The following LMO7 variants were observed in gnomAD, a reference collection of about 807,000 sequenced individuals.
LMO7 encodes the protein LIM domain only protein 7.
In LMO7, 120 loss-of-function variants were observed where a neutral mutation model predicts 206.5. That is an observed-to-expected ratio of 0.58 (90% CI 0.50 to 0.68). The LOEUF (loss-of-function observed/expected upper bound fraction) is 0.68, where lower values mean the gene tolerates loss of function less well. Among genes scored for constraint, LMO7 ranks in the 30% least tolerant of loss-of-function variants. The pLI is 0.00. For missense variants in LMO7, 1,959 were observed against 1,957.9 expected (o/e 1.00, Z -0.01); for synonymous variants, 706 against 681.5 (o/e 1.04, Z -0.56).
intron 3 of LMO7, chr13:75,760,593 G>A (rs1013269231): frequency 1.5e-5 from 20 of 1,364,844 alleles, no homozygotes; most frequent in South Asian, 3.9e-5. Flanking sequence ...GAAAGAGGGC[G>A]TTTGTTTGCA....
At position 75,804,495 on chromosome 13, in the gene LMO7, A is replaced by G. The variant is rs2055181272; in HGVS notation, c.868A>G (p.Ser290Gly). The change falls in exon 8 of 31, where the codon AGT becomes GGT. Residue 290 changes from serine (S) to glycine (G), a missense_variant. Coordinates refer to ENST00000377534, the MANE Select transcript of LMO7 (RefSeq NM_001306080.2). ...AGACAAACATGAGGATAACAGAAGA[A>G]GTTGGGCAAGCCCGGTTTATACAGA... ...KPDKHEDNRRSWASPVYTEAD... is the reference protein window; with the variant it reads ...KPDKHEDNRRGWASPVYTEAD... 6.2e-7 allele frequency: 1 copy of G among 1,614,078 alleles called. No homozygotes were observed.
chr13:75,773,575 T>C (rs758417756), intron 4 of LMO7, among the ~76,000 whole-genome samples: 11 of 152,060 alleles, frequency 7.2e-5, no homozygotes, highest in Non-Finnish European at 1.3e-4. Flanking sequence ...ATGCTAAAGA[T>C]GTTTGGAGTA....
At chr13:75,796,850 T>TA in intron 6 of LMO7, 101 bp downstream of exon 6, 1 of 735,802 alleles carries the variant, frequency 1.4e-6, no homozygotes, top group East Asian at 2.7e-5. Context: ...CTATAACAAA[T>TA]ATGGCAACTC....
At chr13:75,724,580 T>A (rs190568039) in intron 2 of LMO7, among the ~76,000 whole-genome samples, 1 of 152,294 alleles carries the variant, frequency 6.6e-6, no homozygotes, top group East Asian at 1.9e-4. Context: ...AGTATTTCCA[T>A]AGATGATACT....
chr13:75,805,771 G>T lies in LMO7; in HGVS notation c.1196+11G>T, dbSNP rs376395749. ...ATTTCAGGGATTCAGGTTTGTCGTTGTGCATGTTTCTGTCACACCAGTGTT... is the reference window on the plus strand; with the variant it reads ...ATTTCAGGGATTCAGGTTTGTCGTTTTGCATGTTTCTGTCACACCAGTGTT... On this transcript the variant is annotated intron_variant, in intron 9 of 30. Coordinates refer to ENST00000377534, the MANE Select transcript of LMO7 (RefSeq NM_001306080.2). The T allele has an allele frequency of 5.0e-6, 8 of 1,611,710 alleles. No individual in the cohort carries two copies. The highest frequency in any genetic ancestry group is 4.0e-5 in the African/African-American group (3 of 74,794).
At position 75,756,202 on chromosome 13, in the gene LMO7, A is replaced by G. The variant is rs182815393; in HGVS notation, c.211-4730A>G. Reference sequence around the variant, plus strand: ...GATATTGTCCTCCAGTCATCTCAGCAAGAGACCAAGGTAGAGAAGAGCTAC... The same window carrying G: ...GATATTGTCCTCCAGTCATCTCAGCGAGAGACCAAGGTAGAGAAGAGCTAC... On this transcript the variant is annotated intron_variant, in intron 3 of 30. Coordinates refer to ENST00000377534, the MANE Select transcript of LMO7 (RefSeq NM_001306080.2). 9.6e-4 allele frequency among the ~76,000 whole-genome samples: 146 copies of G among 152,272 alleles called. 1 individual carries two copies. The highest frequency in any genetic ancestry group is 1.7e-3 in the Non-Finnish European group (117 of 68,008).
intron 1 of LMO7, among the ~76,000 whole-genome samples, chr13:75,649,222 A>T (rs749717737): frequency 6.6e-6 from 1 of 152,176 alleles, no homozygotes; most frequent in Non-Finnish European, 1.5e-5. Context: ...CCATCAGATG[A>T]TGTTAGAATC....
At chr13:75,621,613 C>G (rs1178317573) in exon 1 of LMO7, 1 of 623,132 alleles carries the variant, frequency 1.6e-6, no homozygotes, top group African/African-American at 1.9e-5. Flanking sequence ...CAATATGGTG[C>G]TACAGTGATA....
chr13:75,711,625 T>C (rs2043133503), intron 1 of LMO7, among the ~76,000 whole-genome samples: 1 of 152,170 alleles, frequency 6.6e-6, no homozygotes, highest in Admixed American at 6.6e-5. Flanking sequence ...ACCCCCCCTG[T>C]CCTGCACCCA....
intron 1 of LMO7, among the ~76,000 whole-genome samples, chr13:75,654,755 T>G (rs780015633): frequency 7.9e-5 from 12 of 152,126 alleles, no homozygotes; most frequent in African/African-American, 1.4e-4. Flanking sequence ...GTCTATCGTT[T>G]TTTCTCCTCT....
intron 4 of LMO7, among the ~76,000 whole-genome samples, chr13:75,786,881 C>T (rs1002964825): frequency 6.6e-6 from 1 of 152,128 alleles, no homozygotes; most frequent in Non-Finnish European, 1.5e-5. Flanking sequence ...AAACCAAAGC[C>T]TACTATTTTC....
chr13:75,805,525 G>C lies in LMO7; in HGVS notation c.961G>C (p.Val321Leu). 6.2e-7 allele frequency: 1 copy of C among 1,613,998 alleles called. No homozygotes were observed. Among genetic ancestry groups the C allele is most frequent in the Non-Finnish European group, 8.5e-7 (1 of 1,179,882 alleles). Reference sequence around the variant, plus strand: ...CACCAATGTGGAGAACTGGCCAACTGTACAAGGAACTTCAAAGTCCTCTTG... The same window carrying C: ...CACCAATGTGGAGAACTGGCCAACTCTACAAGGAACTTCAAAGTCCTCTTG... Reference protein sequence around the residue: ...WGTNVENWPTVQGTSKSSCYL... With the variant: ...WGTNVENWPTLQGTSKSSCYL... The change falls in exon 9 of 31, where the codon GTA becomes CTA. Residue 321 changes from valine to leucine, a missense_variant. Val to Leu is a conservative substitution (Grantham distance 32). Coordinates refer to ENST00000377534, the MANE Select transcript of LMO7 (RefSeq NM_001306080.2).
chr13:75,621,037 C>CCAGAGTATTAA (rs2138631983), exon 1 of LMO7: 1 of 152,264 alleles, frequency 6.6e-6, no homozygotes, highest in East Asian at 1.9e-4. Context: ...TCTGAGTTGT[C>CCAGAGTATTAA]TTAGGCAAAT....
rs142687160 is a variant in LMO7 at position 75,807,893 on chromosome 13, G to A, written c.1610G>A (p.Arg537Lys). ...GTGCCGCTGTCTGGGGCCCCAGATA[G>A]ATACCACCCAGTCCCTTTTCCCGAA... Reference protein sequence around the residue: ...KEVPLSGAPDRYHPVPFPEPW... With the variant: ...KEVPLSGAPDKYHPVPFPEPW... Residue 537 changes from arginine (R) to lysine (K), a missense_variant, in exon 10 of 31, where the codon AGA becomes AAA. Coordinates refer to ENST00000377534, the MANE Select transcript of LMO7 (RefSeq NM_001306080.2). 1.9e-3 allele frequency: 3,101 copies of A among 1,613,956 alleles called. 79 individuals are homozygous for A. The East Asian group carries it at 0.054, about 28-fold the overall frequency.
chr13:75,627,411 T>C (rs547780974), intron 2 of LMO7: 1 of 152,346 alleles, frequency 6.6e-6, no homozygotes, highest in East Asian at 1.9e-4. Flanking sequence ...CAACTTATAA[T>C]GGGTTTATCA....
intron 12 of LMO7, among the ~76,000 whole-genome samples, chr13:75,817,544 A>G (rs894040376): frequency 3.3e-5 from 5 of 152,128 alleles, no homozygotes; most frequent in Non-Finnish European, 5.9e-5. Context: ...GCTTCCTTGC[A>G]GTATAGTGAA....
At chr13:75,793,443 T>A (rs1168635653) in intron 4 of LMO7, among the ~76,000 whole-genome samples, 1 of 152,162 alleles carries the variant, frequency 6.6e-6, no homozygotes, top group Non-Finnish European at 1.5e-5. Flanking sequence ...GCCTGGCTAA[T>A]TTTTGTCCTT....
chr13:75,730,551 C>G (rs2045061418), intron 3 of LMO7, among the ~76,000 whole-genome samples: 1 of 151,116 alleles, frequency 6.6e-6, no homozygotes, highest in Non-Finnish European at 1.5e-5. Context: ...AGCGGTCTAT[C>G]AATTTTGTTG....
intron 1 of LMO7, among the ~76,000 whole-genome samples, chr13:75,681,713 T>C (rs1221612636): frequency 8.9e-6 from 1 of 111,996 alleles, no homozygotes; most frequent in Non-Finnish European, 1.9e-5. Flanking sequence ...TGTGTATATA[T>C]ATATGTATAT....
Sources: allele counts gnomAD v4.1 joint callset (sites outside exome capture counted in the v4.1 genomes callset), GRCh38; gene constraint gnomAD v4.1.1; transcripts MANE v1.5; gene names NCBI Gene and HGNC (gene_info 2026-07-23, HGNC 2026-07-21).